Variants in MAML2 observed in about 807,000 individuals in gnomAD.
MAML2 encodes the protein mastermind-like protein 2.
In MAML2, 22 loss-of-function variants were observed where a neutral mutation model predicts 96.1. The observed-to-expected ratio is 0.23, with a 90% CI of 0.16 to 0.33. MAML2 has a LOEUF of 0.33. Among genes scored for constraint, MAML2 ranks in the 10% least tolerant of loss-of-function variants. The probability of loss-of-function intolerance (pLI) is 1.00; values close to 1 mark genes in which losing one functional copy is unlikely to be tolerated. For missense variants in MAML2, 1,367 were observed against 1,392.4 expected, an observed-to-expected ratio of 0.98 and a Z score of 0.29; for synonymous variants, 561 against 521.3, an observed-to-expected ratio of 1.08 and a Z score of -1.04.
chr11:96,171,260 T>C (rs916622135), intron 1 of MAML2, among the ~76,000 whole-genome samples: 1 of 152,146 alleles, frequency 6.6e-6, no homozygotes, highest in Non-Finnish European at 1.5e-5. Flanking sequence ...TCTGCGATTA[T>C]TATCTAACGG....
At chr11:95,987,521 T>C (rs557232524) in intron 3 of MAML2, among the ~76,000 whole-genome samples, 26 of 152,296 alleles carry the variant, frequency 1.7e-4, no homozygotes, top group African/African-American at 6.3e-4. Context: ...ACTATAATTA[T>C]AGAAAAGTCA....
rs376785609 is a variant in MAML2 at position 96,093,459 on chromosome 11, C to T, written c.572G>A (p.Arg191Gln). The T allele has an allele frequency of 1.7e-5, 28 of 1,613,778 alleles. No homozygotes were observed. The highest frequency in any genetic ancestry group is 6.7e-5 in the African/African-American group (5 of 74,916). Residue 191 changes from arginine (R) to glutamine (Q), a missense_variant, in exon 2 of 5, where the codon CGA becomes CAA. Coordinates refer to ENST00000524717, the MANE Select transcript of MAML2 (RefSeq NM_032427.4). ...TGAGTTGTCCACAAAGCCATTGGGT[C>T]GCTTGCTGTTGGCAGGAGATAGGTT... The part of the protein sequence containing the change: ...VVNLSPANSK[R>Q]PNGFVDNSFL...
In MAML2 at chr11:96,342,340, T is replaced by A. The variant is rs1314108011; in HGVS notation, c.-445A>T. On this transcript the variant is annotated 5_prime_UTR_variant, in exon 1 of 5. Transcript: ENST00000524717. ...TGAGAGAGGTATTAATAGAGAGGAC[T>A]CCCCCTCACCTAGTTGTTTCCGACA... 1 of 400,200 alleles carries A rather than the reference T, an allele frequency of 2.5e-6. No individual in the cohort carries two copies. Among genetic ancestry groups the A allele is most frequent in the Non-Finnish European group, 4.4e-6 (1 of 227,342 alleles). The allele number at this position is 400,200 out of a possible 1,614,324, so 24.8% of individuals were successfully genotyped here. A position where few individuals can be genotyped will look rare whatever the true frequency, so the allele number is the denominator to read the frequency against.
intron 2 of MAML2, among the ~76,000 whole-genome samples, chr11:96,076,430 TCTCACACACA>T (rs1375583438): frequency 7.8e-4 from 106 of 136,516 alleles, no homozygotes; most frequent in Middle Eastern, 3.5e-3. Flanking sequence ...TCTCTCTCTC[TCTCACACACA>T]CACACACACA....
chr11:96,035,664 T>C (rs1295976509), intron 2 of MAML2, among the ~76,000 whole-genome samples: 7 of 152,214 alleles, frequency 4.6e-5, no homozygotes, highest in Admixed American at 4.6e-4. Context: ...GGAAGATTAC[T>C]GCTGTGCTTT....
intron 1 of MAML2, among the ~76,000 whole-genome samples, chr11:96,182,513 T>C (rs1861502496): frequency 6.6e-6 from 1 of 152,174 alleles, no homozygotes; most frequent in African/African-American, 2.4e-5. Context: ...AGATGTAGAA[T>C]TAAAGCACAA....
intron 1 of MAML2, among the ~76,000 whole-genome samples, chr11:96,300,197 T>A (rs1229869155): frequency 2.0e-5 from 3 of 152,282 alleles, no homozygotes; most frequent in East Asian, 1.9e-4. Flanking sequence ...TAGTTCTCAG[T>A]GGAGCTTATG....
At chr11:96,325,532 A>C (rs1264474828) in intron 1 of MAML2, among the ~76,000 whole-genome samples, 1 of 151,962 alleles carries the variant, frequency 6.6e-6, no homozygotes, top group Non-Finnish European at 1.5e-5. Context: ...TTCTGTGAGG[A>C]CTCTGTAGGT....
chr11:96,053,932 G>C (rs1177617463), intron 2 of MAML2, among the ~76,000 whole-genome samples: 1 of 152,086 alleles, frequency 6.6e-6, no homozygotes, highest in African/African-American at 2.4e-5. Flanking sequence ...CTCAGAAATG[G>C]AAATGGAGCT....
At chr11:96,114,841 C>A (rs894303028) in intron 1 of MAML2, among the ~76,000 whole-genome samples, 1 of 152,096 alleles carries the variant, frequency 6.6e-6, no homozygotes, top group Non-Finnish European at 1.5e-5. Context: ...TGGAACAGAG[C>A]CAAGAACTCT....
At chr11:96,209,185 G>C (rs989853805) in intron 1 of MAML2, among the ~76,000 whole-genome samples, 9 of 130,756 alleles carry the variant, frequency 6.9e-5, no homozygotes, top group Non-Finnish European at 1.4e-4. Context: ...TTCACAGAGA[G>C]CAACCAAAGA....
chr11:96,114,858 A>T (rs2135836924), intron 1 of MAML2, among the ~76,000 whole-genome samples: 1 of 152,336 alleles, frequency 6.6e-6, no homozygotes, highest in East Asian at 1.9e-4. Context: ...CTCTGATCCC[A>T]ATAGGCAAAG....
intron 2 of MAML2, among the ~76,000 whole-genome samples, chr11:96,046,212 C>T (rs1421813290): frequency 6.6e-6 from 1 of 152,004 alleles, no homozygotes; most frequent in Non-Finnish European, 1.5e-5. Flanking sequence ...TAATGAGAAG[C>T]ATATGCCGCC....
At chr11:96,019,344 A>G (rs989923804) in intron 2 of MAML2, among the ~76,000 whole-genome samples, 1 of 152,138 alleles carries the variant, frequency 6.6e-6, no homozygotes, top group Admixed American at 6.5e-5. Flanking sequence ...GTCTTTGGCT[A>G]TCATCCTGAT....
chr11:96,152,571 T>C (rs911578090), intron 1 of MAML2, among the ~76,000 whole-genome samples: 2 of 152,210 alleles, frequency 1.3e-5, no homozygotes, highest in Non-Finnish European at 2.9e-5. Context: ...CATAAACCCT[T>C]TGATCATTTT....
intron 1 of MAML2, among the ~76,000 whole-genome samples, chr11:96,279,542 AG>A (rs1229534889): frequency 1.3e-5 from 2 of 152,250 alleles, no homozygotes. Context: ...AAGGAGAAAG[AG>A]GGTGACTAAC....
rs117353600 is a variant in MAML2 at position 96,003,241 on chromosome 11, G to A, written c.2140-11518C>T. Among the ~76,000 whole-genome samples the A allele has an allele frequency of 5.8e-3, 876 of 152,180 alleles. 51 individuals are homozygous for A. The East Asian group carries it at 0.12, about 21-fold the overall frequency. ...GGAAGATGATGTGCATGTGTTGGAA[G>A]GCAGGGAGAAGGCACACTGATGGAA... On this transcript the variant is annotated intron_variant, in intron 2 of 4. Coordinates refer to ENST00000524717, the MANE Select transcript of MAML2 (RefSeq NM_032427.4).
At chr11:96,065,661 G>A (rs1337605847) in intron 2 of MAML2, among the ~76,000 whole-genome samples, 1 of 152,146 alleles carries the variant, frequency 6.6e-6, no homozygotes, top group Admixed American at 6.5e-5. Context: ...GTCATAAGTG[G>A]TATTACTTAA....
At chr11:96,205,030 C>T (rs1270815587) in intron 1 of MAML2, among the ~76,000 whole-genome samples, 1 of 152,158 alleles carries the variant, frequency 6.6e-6, no homozygotes, top group Non-Finnish European at 1.5e-5. Flanking sequence ...ATGTGTTTTT[C>T]ACTTTACTTT....
Sources: gnomAD v4.1 joint callset for allele counts (sites outside exome capture counted in the v4.1 genomes callset) on GRCh38, gnomAD v4.1.1 for gene constraint, MANE v1.5 for transcripts, NCBI Gene and HGNC (gene_info 2026-07-23, HGNC 2026-07-21) for gene names.